Variants in IQSEC1 observed in about 807,000 individuals in gnomAD.
IQSEC1 encodes IQ motif and SEC7 domain-containing protein 1.
In IQSEC1, 31 loss-of-function variants were observed where a neutral mutation model predicts 91.0. The ratio of observed to expected loss-of-function variants is 0.34; its 90% CI spans 0.26 to 0.46. The LOEUF is 0.46. IQSEC1 is among the 20% of genes least tolerant of loss of function. The pLI, the probability that IQSEC1 is intolerant of heterozygous loss-of-function variation, is 1.00. For synonymous variants in IQSEC1, 699 were observed against 662.6 expected (o/e 1.05, Z -0.84); for missense variants, 1,388 against 1,575.6 (o/e 0.88, Z 2.02).
chr3:13,101,278 G>C (rs1014577984), intron 2 of IQSEC1, among the ~76,000 whole-genome samples: 9 of 152,074 alleles, frequency 5.9e-5, no homozygotes, highest in African/African-American at 1.9e-4. Context: ...TCAGAAGATT[G>C]AGACCATCCT....
At chr3:13,081,483 G>T (rs2125128711) in intron 2 of IQSEC1, among the ~76,000 whole-genome samples, 1 of 151,744 alleles carries the variant, frequency 6.6e-6, no homozygotes, top group South Asian at 2.1e-4. Flanking sequence ...CACCTGGGCT[G>T]GTCTCAAGCT....
At chr3:12,976,108 G>A (rs1170868206) in intron 1 of IQSEC1, among the ~76,000 whole-genome samples, 9 of 152,236 alleles carry the variant, frequency 5.9e-5, no homozygotes, top group Non-Finnish European at 1.5e-5. Context: ...ATCCGGTGCT[G>A]GGCCTGAGCG....
At chr3:13,141,814 T>G (rs906898223) in intron 2 of IQSEC1, among the ~76,000 whole-genome samples, 2 of 151,660 alleles carry the variant, frequency 1.3e-5, no homozygotes, top group Non-Finnish European at 2.9e-5. Flanking sequence ...GACAGGGAGG[T>G]GGATGATGGA....
intron 1 of IQSEC1, among the ~76,000 whole-genome samples, chr3:13,021,042 T>C (rs1026251750): frequency 2.6e-5 from 4 of 152,230 alleles, no homozygotes; most frequent in Non-Finnish European, 4.4e-5. Flanking sequence ...ATCCCTTACC[T>C]GTTGCAAATC....
At chr3:13,161,988 T>C (rs1223979167) in intron 2 of IQSEC1, among the ~76,000 whole-genome samples, 1 of 152,088 alleles carries the variant, frequency 6.6e-6, no homozygotes, top group Non-Finnish European at 1.5e-5. Flanking sequence ...GTCGTTCCCA[T>C]CCTCCTCCCC....
chr3:13,098,239 T>G (rs748507089), intron 2 of IQSEC1, among the ~76,000 whole-genome samples: 11 of 152,240 alleles, frequency 7.2e-5, no homozygotes, highest in Non-Finnish European at 1.6e-4. Flanking sequence ...GGTCCTTGAC[T>G]TTTTGCAGGG....
At chr3:13,226,312 ATC>A (rs1431438880) in intron 1 of IQSEC1, among the ~76,000 whole-genome samples, 1 of 152,074 alleles carries the variant, frequency 6.6e-6, no homozygotes, top group Non-Finnish European at 1.5e-5. Context: ...TAGTTACCTA[ATC>A]TCTCTGTACC....
intron 1 of IQSEC1, among the ~76,000 whole-genome samples, chr3:13,262,507 T>A (rs1394083543): frequency 2.0e-5 from 3 of 152,134 alleles, no homozygotes. Context: ...ACGGAGTTCG[T>A]AGAGCTAGAA....
intron 2 of IQSEC1, among the ~76,000 whole-genome samples, chr3:13,158,096 T>A (rs982543324): frequency 2.6e-5 from 4 of 152,234 alleles, no homozygotes; most frequent in African/African-American, 9.7e-5. Context: ...CTGCCCCCAG[T>A]GTCTGTACTC....
At chr3:12,985,761 T>C (rs1278113364) in intron 1 of IQSEC1, among the ~76,000 whole-genome samples, 1 of 152,146 alleles carries the variant, frequency 6.6e-6, no homozygotes, top group Admixed American at 6.5e-5. Flanking sequence ...ACCTGAAAAA[T>C]ACTTTCCATG....
intron 2 of IQSEC1, among the ~76,000 whole-genome samples, chr3:13,108,881 G>A (rs1436842942): frequency 2.0e-5 from 3 of 152,202 alleles, no homozygotes; most frequent in Non-Finnish European, 4.4e-5. Context: ...ATGGGGTAGG[G>A]GGACCTGCAG....
At chr3:13,212,588 G>A (rs1264513108) in intron 1 of IQSEC1, among the ~76,000 whole-genome samples, 4 of 152,162 alleles carry the variant, frequency 2.6e-5, no homozygotes, top group African/African-American at 4.8e-5. Context: ...AGGTGCTGCC[G>A]GACTGTCTTC....
rs199955395 is a variant in IQSEC1, at chr3:12,915,673, C to A, written c.2081G>T (p.Arg694Leu). The A allele has an allele frequency of 3.8e-4, 618 of 1,614,048 alleles. No homozygotes were observed. Among genetic ancestry groups the A allele is most frequent in the Non-Finnish European group, 4.8e-4 (566 of 1,180,008 alleles). Residue 694 changes from arginine (R) to leucine (L), a missense_variant, in exon 7 of 14, where the codon CGT (arginine) becomes CTT (leucine). Transcript: ENST00000613206. ...CTCATTGGTCTTTAGCTCTCGCTTA[C>A]GGATCCGTTCATAGATCCCCATCAG... is the stretch of plus-strand genomic sequence containing the variant. ...EMLMGIYERIRKRELKTNEDH... is the reference protein window; with the variant it reads ...EMLMGIYERILKRELKTNEDH...
chr3:13,135,621 C>G (rs1254697074), intron 2 of IQSEC1, among the ~76,000 whole-genome samples: 1 of 152,234 alleles, frequency 6.6e-6, no homozygotes. Flanking sequence ...CCCCAGAGCT[C>G]TCCAGTGGGC....
chr3:13,060,619 T>A (rs1970878), intron 1 of IQSEC1, among the ~76,000 whole-genome samples: 32,551 of 152,192 alleles, frequency 0.21, 3,676 homozygotes, highest in Middle Eastern at 0.33. Flanking sequence ...ATGACGGGCC[T>A]AGGGCACATC....
intron 2 of IQSEC1, among the ~76,000 whole-genome samples, chr3:13,148,448 T>C (rs1458200481): frequency 6.6e-6 from 1 of 152,086 alleles, no homozygotes; most frequent in Non-Finnish European, 1.5e-5. Flanking sequence ...AAACCAGGAG[T>C]CTTGAGGGAG....
intron 1 of IQSEC1, among the ~76,000 whole-genome samples, chr3:13,009,834 C>T (rs1001964768): frequency 4.6e-5 from 7 of 152,248 alleles, no homozygotes; most frequent in South Asian, 2.1e-4. Flanking sequence ...GCCAGTGTGG[C>T]GCCCGCCTCC....
intron 1 of IQSEC1, among the ~76,000 whole-genome samples, chr3:13,043,832 C>T (rs1704382932): frequency 6.6e-6 from 1 of 152,194 alleles, no homozygotes; most frequent in Admixed American, 6.5e-5. Context: ...GTTTGCACAA[C>T]CCGACATCGT....
At chr3:12,952,358 C>G (rs1411452175) in intron 1 of IQSEC1, among the ~76,000 whole-genome samples, 3 of 152,150 alleles carry the variant, frequency 2.0e-5, no homozygotes, top group African/African-American at 7.2e-5. Context: ...CTGAGCGTCA[C>G]TCTTGGCAAC....
Sources: gnomAD v4.1 joint callset for allele counts (sites outside exome capture counted in the v4.1 genomes callset) on GRCh38, gnomAD v4.1.1 for gene constraint, MANE v1.5 for transcripts, NCBI Gene and HGNC (gene_info 2026-07-23, HGNC 2026-07-21) for gene names.